The following PCDHGB3 variants were observed in gnomAD, a reference collection of about 807,000 sequenced individuals.
PCDHGB3 encodes protocadherin gamma-B3.
PCDHGB3 carries 40 observed loss-of-function variants against 59.2 expected under a neutral mutation model. That is an observed-to-expected ratio of 0.68 (90% CI 0.52 to 0.88). The LOEUF is 0.88. Ranked by LOEUF, PCDHGB3 falls within the 40% of genes least tolerant of loss-of-function variation. The pLI is 0.00. For missense variants in PCDHGB3, 1,309 were observed against 1,187.9 expected (o/e 1.10, Z -1.50); for synonymous variants, 581 against 503.6 (o/e 1.15, Z -2.06).
In PCDHGB3 at chr5:141,489,681, A is replaced by T; in HGVS notation, c.2416-5126A>T. ...AGATGCGCATCTCAGAATCAGCAGC[A>T]TCTGGGGCACGATTCCCACTGGACA... On this transcript the variant is annotated intron_variant, in intron 1 of 3. Transcript: ENST00000576222. This position sits in a 1 kb window ranked among gnomAD's most constrained non-coding sequence, Gnocchi z 4.5. 1 of 1,614,174 alleles carries T rather than the reference A, an allele frequency of 6.2e-7. No individual in the cohort carries two copies. The highest frequency in any genetic ancestry group is 8.5e-7 in the Non-Finnish European group (1 of 1,180,010).
At chr5:141,398,811 C>T (rs1231007055) in intron 1 of PCDHGB3, 4 of 1,613,862 alleles carry the variant, frequency 2.5e-6, no homozygotes, top group Non-Finnish European at 3.4e-6. Context: ...CCACTGAGCT[C>T]CGGATCCAGG....
intron 1 of PCDHGB3, chr5:141,404,943 T>C: frequency 1.2e-6 from 2 of 1,613,914 alleles, no homozygotes; most frequent in Non-Finnish European, 8.5e-7. Context: ...ACAGTAGCCA[T>C]AGCTGACAGC....
At chr5:141,452,511 A>G (rs573632978) in intron 1 of PCDHGB3, among the ~76,000 whole-genome samples, 1 of 152,056 alleles carries the variant, frequency 6.6e-6, no homozygotes, top group South Asian at 2.1e-4. Context: ...TTGTACACAC[A>G]CTCCCTCAAA....
intron 1 of PCDHGB3, among the ~76,000 whole-genome samples, chr5:141,381,060 A>G (rs1776965046): frequency 6.6e-6 from 1 of 152,246 alleles, no homozygotes; most frequent in South Asian, 2.1e-4. Flanking sequence ...GTGAATGCAA[A>G]GATAACTATG....
chr5:141,373,110 T>C (rs878923875), intron 1 of PCDHGB3, among the ~76,000 whole-genome samples: 8 of 152,232 alleles, frequency 5.3e-5, no homozygotes, highest in African/African-American at 1.9e-4. Flanking sequence ...GACATATCTA[T>C]CCAGAATTAG....
chr5:141,395,538 TTGTTTGTG>T (rs2093252084), intron 1 of PCDHGB3: 3 of 225,786 alleles, frequency 1.3e-5, no homozygotes, highest in South Asian at 6.0e-5. Flanking sequence ...AATTTTGCTA[TTGTTTGTG>T]TGTGTGTGTG....
intron 1 of PCDHGB3, among the ~76,000 whole-genome samples, chr5:141,436,181 T>A (rs1050736907): frequency 1.3e-5 from 2 of 152,092 alleles, no homozygotes; most frequent in African/African-American, 4.8e-5. Context: ...TCATATATAG[T>A]CAAATAGAAA....
chr5:141,415,044 G>T, intron 1 of PCDHGB3: 2 of 1,613,506 alleles, frequency 1.2e-6, no homozygotes, highest in East Asian at 2.2e-5. Flanking sequence ...TCTTCGCGGT[G>T]GGGGAGCACA....
rs1354360582 is a variant in PCDHGB3 at position 141,491,147 on chromosome 5, A to T, written c.2416-3660A>T. On this transcript the variant is annotated intron_variant, in intron 1 of 3. Transcript: ENST00000576222. The surrounding 1 kb of genome is among the most constrained non-coding windows in gnomAD (Gnocchi z 6.9). ...GTGCGCACAGCCCGGGCCTTACTGG[A>T]GGATGACTCTGACACCCAGCAGGTG... The T allele has an allele frequency of 1.9e-6, 3 of 1,613,980 alleles. No homozygotes were observed. The highest frequency in any genetic ancestry group is 2.5e-6 in the Non-Finnish European group (3 of 1,179,994).
chr5:141,431,767 T>G lies in PCDHGB3; in HGVS notation c.2415+58958T>G, dbSNP rs1397063213. On this transcript the variant is annotated intron_variant, in intron 1 of 3. Coordinates refer to ENST00000576222, the MANE Select transcript of PCDHGB3 (RefSeq NM_018924.5). The surrounding 1 kb of genome is among the most constrained non-coding windows in gnomAD (Gnocchi z 4.8). ...CTGCGCGAGCCAAAGTCCTGATCAC[T>G]GTTCTGGACGTGAACGACAATGCCC... The G allele has an allele frequency of 6.2e-7, 1 of 1,614,224 alleles. No individual in the cohort carries two copies.
At chr5:141,423,936 G>A (rs2096792092) in intron 1 of PCDHGB3, 1 of 1,225,102 alleles carries the variant, frequency 8.2e-7, no homozygotes. Context: ...TTGGTTTGAA[G>A]TAAGTTGAAT....
rs543209695 is a variant in PCDHGB3, at chr5:141,431,563, C to A, written c.2415+58754C>A. The stretch of plus-strand genomic sequence containing the variant: ...AGCTGCTTGTAGTCAACGCTACCGA[C>A]CCTGACGAAGGAGTCAATGCGGAAG... On this transcript the variant is annotated intron_variant, in intron 1 of 3. Coordinates refer to ENST00000576222, the MANE Select transcript of PCDHGB3 (RefSeq NM_018924.5). The surrounding 1 kb of genome is among the most constrained non-coding windows in gnomAD (Gnocchi z 4.8). 1.2e-6 allele frequency: 2 copies of A among 1,614,144 alleles called. No individual in the cohort carries two copies. The highest frequency in any genetic ancestry group is 2.7e-5 in the African/African-American group (2 of 75,072).
chr5:141,384,598 C>CA (rs756705007), intron 1 of PCDHGB3: 4 of 1,614,256 alleles, frequency 2.5e-6, no homozygotes, highest in Non-Finnish European at 2.5e-6. Flanking sequence ...GTACCCGGCC[C>CA]TCCCCACAGA....
intron 1 of PCDHGB3, among the ~76,000 whole-genome samples, chr5:141,474,266 G>A (rs1420620306): frequency 6.6e-6 from 1 of 152,186 alleles, no homozygotes; most frequent in Non-Finnish European, 1.5e-5. Context: ...ATAAACCAGT[G>A]TATCTCTGAA....
At chr5:141,455,411 G>T (rs1292246147) in intron 1 of PCDHGB3, among the ~76,000 whole-genome samples, 1 of 152,096 alleles carries the variant, frequency 6.6e-6, no homozygotes, top group Non-Finnish European at 1.5e-5. Context: ...AGAGACAGAG[G>T]GAGCGGGGCT....
chr5:141,487,670 T>A lies in PCDHGB3; in HGVS notation c.2416-7137T>A. The A allele has an allele frequency of 6.2e-7, 1 of 1,612,302 alleles. No homozygotes were observed. Among genetic ancestry groups the A allele is most frequent in the Non-Finnish European group, 8.5e-7 (1 of 1,179,082 alleles). ...TGAGGGTTATTCTGATCCAGGCATA[T>A]GGCTAGGCCATGTCCTAGAGAGTAC... On this transcript the variant is annotated intron_variant, in intron 1 of 3. Transcript: ENST00000576222. This position sits in a 1 kb window ranked among gnomAD's most constrained non-coding sequence, Gnocchi z 5.0.
chr5:141,450,253 A>G (rs1025385837), intron 1 of PCDHGB3, among the ~76,000 whole-genome samples: 1 of 152,020 alleles, frequency 6.6e-6, no homozygotes, highest in African/African-American at 2.4e-5. Flanking sequence ...CCTGACCTCA[A>G]GTGATCTGCC....
At chr5:141,418,310 G>A in intron 1 of PCDHGB3, 1 of 1,613,990 alleles carries the variant, frequency 6.2e-7, no homozygotes, top group Non-Finnish European at 8.5e-7. Context: ...CCTGGGGATG[G>A]GAACAATTCT....
rs889882138 is a variant in PCDHGB3, at chr5:141,371,312, A to T, written c.918A>T (p.Glu306Asp). The T allele has an allele frequency of 1.9e-6, 3 of 1,613,910 alleles. No homozygotes were observed. Among genetic ancestry groups the T allele is most frequent in the African/African-American group, 2.7e-5 (2 of 74,954 alleles). Residue 306 changes from glutamate to aspartate, a missense_variant, in exon 1 of 4, where the codon GAA becomes GAT. By Grantham distance (45) the Glu-to-Asp change is conservative. Transcript: ENST00000576222. ...SKTGELTTIG[E>D]LDFEERDSYT... The stretch of plus-strand genomic sequence containing the variant: ...CGGGGGAACTCACCACTATTGGAGA[A>T]CTGGACTTTGAAGAGAGAGATAGCT...
Sources: allele counts gnomAD v4.1 joint callset (sites outside exome capture counted in the v4.1 genomes callset), GRCh38; gene constraint gnomAD v4.1.1; non-coding constraint Gnocchi (gnomAD v3.1); transcripts MANE v1.5; gene names NCBI Gene and HGNC (gene_info 2026-07-23, HGNC 2026-07-21).